FRYL: variants seen among roughly 807,000 people sequenced by gnomAD.
FRYL encodes protein furry homolog-like.
A neutral mutation model predicts 351.2 loss-of-function variants in FRYL; 150 were observed. The ratio of observed to expected loss-of-function variants is 0.43; its 90% CI spans 0.37 to 0.49. The LOEUF (loss-of-function observed/expected upper bound fraction) is 0.49, where lower values mean the gene tolerates loss of function less well. Among genes scored for constraint, FRYL ranks in the 20% least tolerant of loss-of-function variants. FRYL has a pLI of 0.00. For missense variants in FRYL, 3,036 were observed against 3,619.3 expected (o/e 0.84, Z 4.13); for synonymous variants, 1,153 against 1,257.1 (o/e 0.92, Z 1.75).
At chr4:48,565,080 T>TA (rs1189130631) in intron 29 of FRYL, 37 bp from the exon 30 acceptor site, 1 of 1,229,588 alleles carries the variant, frequency 8.1e-7, no homozygotes, top group East Asian at 2.6e-5. Flanking sequence ...TTTAACAAAT[T>TA]TAAGAGGTTA....
intron 1 of FRYL, among the ~76,000 whole-genome samples, chr4:48,757,934 C>T (rs1202908101): frequency 6.6e-6 from 1 of 152,120 alleles, no homozygotes; most frequent in Middle Eastern, 3.2e-3. Context: ...TAATACCATG[C>T]ATCTACAACC....
chr4:48,654,340 AGGTATTT>A (rs1578547044), intron 3 of FRYL, among the ~76,000 whole-genome samples: 1 of 151,062 alleles, frequency 6.6e-6, no homozygotes, highest in African/African-American at 2.4e-5. Context: ...AAAAAACTGG[AGGTATTT>A]GGCTGACTTC....
chr4:48,766,603 T>TG (rs1254117555), intron 1 of FRYL, among the ~76,000 whole-genome samples: 7 of 152,060 alleles, frequency 4.6e-5, no homozygotes, highest in African/African-American at 7.2e-5. Context: ...CAGGGGGCCC[T>TG]GAGTAGGAGG....
intron 56 of FRYL, 142 bp downstream of exon 56, chr4:48,514,886 G>C: frequency 1.5e-6 from 1 of 687,146 alleles, no homozygotes; most frequent in Non-Finnish European, 2.3e-6. Flanking sequence ...TATGATTCTA[G>C]ACTAAAACAC....
Position 48,589,725 on chromosome 4 carries a change from G to T in FRYL, c.1640+20C>A. 6.2e-7 allele frequency: 1 copy of T among 1,608,444 alleles called. No homozygotes were observed. Among genetic ancestry groups the T allele is most frequent in the Non-Finnish European group, 8.5e-7 (1 of 1,177,194 alleles). ...TAGGAAAACTGAAATAGCAATGAAG[G>T]CACATAATTTACTACATACGTAATC... On this transcript the variant is annotated intron_variant, in intron 18 of 63. Transcript: ENST00000358350.
At chr4:48,768,992 G>C (rs1260550430) in intron 1 of FRYL, among the ~76,000 whole-genome samples, 2 of 151,974 alleles carry the variant, frequency 1.3e-5, no homozygotes, top group African/African-American at 4.8e-5. Flanking sequence ...AAATTAGCTG[G>C]GCATGGTGGT....
At position 48,551,504 on chromosome 4, in the gene FRYL, T is replaced by C. The variant is rs1223974018; in HGVS notation, c.4510A>G (p.Ile1504Val). 3.1e-6 allele frequency: 5 copies of C among 1,601,848 alleles called. No individual in the cohort carries two copies. The highest frequency in any genetic ancestry group is 4.5e-5 in the East Asian group (2 of 44,762). The change falls in exon 37 of 64, where the codon ATT becomes GTT. Residue 1504 changes from isoleucine to valine, a missense_variant. Ile to Val is a conservative substitution (Grantham distance 29). Transcript: ENST00000358350. ...CAGAGAAGTACTTACCTCTCTTCAA[T>C]ATTCTCTTTAATGGGCTTATTATCA... ...NPDNKPIKEN[I>V]EESYVHLDIY...
At chr4:48,546,506 A>G in intron 41 of FRYL, 1 of 480,594 alleles carries the variant, frequency 2.1e-6, no homozygotes, top group East Asian at 3.3e-5. Flanking sequence ...TGTACTATGC[A>G]GTCCTCTGCC....
intron 1 of FRYL, among the ~76,000 whole-genome samples, chr4:48,750,038 G>A (rs141502445): frequency 1.3e-5 from 2 of 151,754 alleles, no homozygotes; most frequent in Non-Finnish European, 2.9e-5. Flanking sequence ...GGAGGCTGAG[G>A]CAGGAGAATC....
At chr4:48,502,708 A>ATAC in intron 61 of FRYL, 120 bp downstream of exon 61, 1 of 693,188 alleles carries the variant, frequency 1.4e-6, no homozygotes, top group Non-Finnish European at 2.5e-6. Flanking sequence ...ACTGAAGCAC[A>ATAC]TACTACTTGT....
Position 48,550,788 on chromosome 4 carries a change from A to T in FRYL, c.4521-84T>A. ...ATGTTTCACTTTCTCTGTTTAAAAA[A>T]GGAGGACGGACGCCATGGTTCAAGC... On this transcript the variant is annotated intron_variant, in intron 37 of 63. Transcript: ENST00000358350. 4.8e-6 allele frequency: 5 copies of T among 1,036,888 alleles called. No individual in the cohort carries two copies. The South Asian group carries it at 5.2e-5, about 11-fold the overall frequency. The allele number at this position is 1,036,888 out of a possible 1,614,324, so 64.2% of individuals were successfully genotyped here.
In FRYL at chr4:48,500,160, C is replaced by A; in HGVS notation, c.8653G>T (p.Ala2885Ser). The A allele has an allele frequency of 6.2e-7, 1 of 1,605,618 alleles. No individual in the cohort carries two copies. Residue 2885 changes from alanine (A) to serine (S), a missense_variant, in exon 63 of 64, where the codon GCT (alanine) becomes TCT (serine). Physicochemically the swap from Ala to Ser is moderately conservative, Grantham distance 99. Around this residue, in one of 7 missense-constraint regions of FRYL, gnomAD observed 1,987 missense variants for 2,311.7 expected, o/e 0.86. Transcript: ENST00000358350. ...LESILKEAESASENEEIDISK... is the reference protein window; with the variant it reads ...LESILKEAESSSENEEIDISK... ...ATGTCAATTTCTTCGTTTTCGGAAG[C>A]GGACTCAGCTTCTTTGAGGATACTT... is the stretch of plus-strand genomic sequence containing the variant.
chr4:48,653,828 CAGCAGA>C (rs1166244265), intron 3 of FRYL: 30 of 570,876 alleles, frequency 5.3e-5, no homozygotes, highest in East Asian at 4.4e-4. Context: ...GCAGCAGCAG[CAGCAGA>C]AGCAGAAGCA....
At chr4:48,747,278 T>C (rs1312660221) in intron 1 of FRYL, among the ~76,000 whole-genome samples, 1 of 151,442 alleles carries the variant, frequency 6.6e-6, no homozygotes, top group Admixed American at 6.6e-5. Flanking sequence ...TTAAAGTGAG[T>C]GATAAGGGGA....
chr4:48,757,561 C>G (rs1304319174), intron 1 of FRYL, among the ~76,000 whole-genome samples: 1 of 152,106 alleles, frequency 6.6e-6, no homozygotes, highest in Non-Finnish European at 1.5e-5. Context: ...TCAAGGAGAA[C>G]TACAGACCAC....
At chr4:48,548,373 AT>A (rs1645345892) in intron 40 of FRYL, among the ~76,000 whole-genome samples, 1 of 152,168 alleles carries the variant, frequency 6.6e-6, no homozygotes, top group African/African-American at 2.4e-5. Context: ...AAAGTTTCCA[AT>A]CCCAGAGTTA....
At chr4:48,747,162 T>TTC (rs10683652) in intron 1 of FRYL, among the ~76,000 whole-genome samples, 5 of 150,400 alleles carry the variant, frequency 3.3e-5, no homozygotes, top group Non-Finnish European at 4.4e-5. Context: ...ATTTCCCCTA[T>TTC]CCCCCCCCAA....
intron 8 of FRYL, among the ~76,000 whole-genome samples, chr4:48,609,390 C>T (rs1747566437): frequency 6.6e-6 from 1 of 151,996 alleles, no homozygotes; most frequent in African/African-American, 2.4e-5. Flanking sequence ...GAGGCCAAGG[C>T]AGGTGGATTG....
intron 1 of FRYL, among the ~76,000 whole-genome samples, chr4:48,744,188 T>G (rs1163565941): frequency 2.0e-5 from 3 of 151,992 alleles, no homozygotes; most frequent in African/African-American, 7.3e-5. Flanking sequence ...AATTTCTTTT[T>G]GGGGGTGATA....
Sources: gnomAD v4.1 joint callset for allele counts (sites outside exome capture counted in the v4.1 genomes callset) on GRCh38, gnomAD v4.1.1 for gene constraint, gnomAD v4.1.1 regional missense constraint, MANE v1.5 for transcripts, NCBI Gene and HGNC (gene_info 2026-07-23, HGNC 2026-07-21) for gene names.